The following ELK3 variants were observed in gnomAD, a reference collection of about 807,000 sequenced individuals.
ELK3 encodes the protein ETS domain-containing protein Elk-3.
In ELK3, 10 loss-of-function variants were observed where a neutral mutation model predicts 28.9. The observed-to-expected ratio is 0.35, with a 90% CI of 0.21 to 0.59. ELK3 has a LOEUF of 0.59. ELK3 is among the 20% of genes least tolerant of loss of function. The pLI is 0.82. For synonymous variants in ELK3, 272 were observed against 243.5 expected, an observed-to-expected ratio of 1.12 and a Z score of -1.09; for missense variants, 463 against 517.3, an observed-to-expected ratio of 0.90 and a Z score of 1.02.
chr12:96,259,807 C>T lies in ELK3; in HGVS notation c.1079C>T (p.Ala360Val). 6.2e-7 allele frequency: 1 copy of T among 1,610,046 alleles called. No homozygotes were observed. The highest frequency in any genetic ancestry group is 8.5e-7 in the Non-Finnish European group (1 of 1,178,834). Residue 360 changes from alanine (A) to valine (V), a missense_variant, in exon 4 of 5, where the codon GCT (alanine) becomes GTT (valine). Coordinates refer to ENST00000228741, the MANE Select transcript of ELK3 (RefSeq NM_005230.4). ...TTCTGGAGCAGCCTTAGTCCAGTTG[C>T]TCCGCTGAGTCCTGCCAGGCTGCAA... ...IHFWSSLSPV[A>V]PLSPARLQGP...
intron 1 of ELK3, among the ~76,000 whole-genome samples, chr12:96,210,466 T>A (rs943227306): frequency 6.6e-6 from 1 of 152,124 alleles, no homozygotes; most frequent in Non-Finnish European, 1.5e-5. Flanking sequence ...TTTCGTGATG[T>A]GAGGTGCATG....
Position 96,206,156 on chromosome 12 carries a change from T to G in ELK3, c.-3+11451T>G, listed in dbSNP as rs76003055. Among the ~76,000 whole-genome samples, 1,301 of 152,196 alleles carry G rather than the reference T, an allele frequency of 8.5e-3. 14 individuals carry two copies. The highest frequency in any genetic ancestry group is 0.03 in the African/African-American group (1,253 of 41,528). ...AGCCTCTGCCACATCCTTTGTGTGT[T>G]TTTTTTAAACCTAAATATTAAAGCC... On this transcript the variant is annotated intron_variant, in intron 1 of 4. Coordinates refer to ENST00000228741, the MANE Select transcript of ELK3 (RefSeq NM_005230.4).
intron 2 of ELK3, among the ~76,000 whole-genome samples, chr12:96,235,840 A>T (rs1046454497): frequency 5.9e-5 from 9 of 152,050 alleles, no homozygotes; most frequent in African/African-American, 2.2e-4. Flanking sequence ...TTTATTATTA[A>T]TTATTTTTAG....
Position 96,247,473 on chromosome 12 carries a change from C to T in ELK3, c.741C>T (p.Ser247=), listed in dbSNP as rs1047571856. 3.1e-5 allele frequency: 50 copies of T among 1,614,094 alleles called. No homozygotes were observed. Among genetic ancestry groups the T allele is most frequent in the Admixed American group, 5.0e-5 (3 of 60,014 alleles). The change falls in exon 3 of 5, where the codon TCC becomes TCT. Residue 247 remains serine, a synonymous_variant. Coordinates refer to ENST00000228741, the MANE Select transcript of ELK3 (RefSeq NM_005230.4). The surrounding 1 kb of genome is among the most constrained non-coding windows in gnomAD (Gnocchi z 5.5). The stretch of plus-strand genomic sequence containing the variant: ...TCTCATCTCGGTCCCCGTCCCTGTC[C>T]CCCAACTCACCCCTCCCTTCTGAAC... ...SPFSSRSPSL[S]PNSPLPSEHR...
chr12:96,221,535 A>G (rs1253130915), intron 1 of ELK3, among the ~76,000 whole-genome samples: 1 of 152,214 alleles, frequency 6.6e-6, no homozygotes, highest in African/African-American at 2.4e-5. Context: ...TTTCAAAGAT[A>G]TGTTAAAGCT....
At chr12:96,231,223 T>C (rs551739902) in intron 2 of ELK3, among the ~76,000 whole-genome samples, 3 of 152,232 alleles carry the variant, frequency 2.0e-5, no homozygotes, top group South Asian at 2.1e-4. Context: ...AGTTTTTTTT[T>C]CCTTAGGTTT....
At chr12:96,214,733 G>A (rs1951598548) in intron 1 of ELK3, among the ~76,000 whole-genome samples, 1 of 151,092 alleles carries the variant, frequency 6.6e-6, no homozygotes, top group African/African-American at 2.4e-5. Context: ...ACTTGTATAA[G>A]TTTTTTTTTC....
At chr12:96,226,502 G>C (rs977373848) in intron 2 of ELK3, among the ~76,000 whole-genome samples, 1 of 95,128 alleles carries the variant, frequency 1.1e-5, no homozygotes, top group East Asian at 4.1e-4. Context: ...ATGTCCACAT[G>C]TGCACACCCA....
chr12:96,256,435 A>C (rs572156364), intron 3 of ELK3, among the ~76,000 whole-genome samples: 2 of 152,006 alleles, frequency 1.3e-5, no homozygotes, highest in African/African-American at 4.8e-5. Context: ...CTGTTGACAG[A>C]AGGGGAAGAG....
At chr12:96,202,994 T>A (rs542952704) in intron 1 of ELK3, among the ~76,000 whole-genome samples, 15 of 152,276 alleles carry the variant, frequency 9.9e-5, no homozygotes, top group African/African-American at 3.6e-4. Flanking sequence ...GTGATTCTTC[T>A]GCCTCAGCCT....
At chr12:96,253,497 C>CA (rs1951923611) in intron 3 of ELK3, among the ~76,000 whole-genome samples, 5 of 152,176 alleles carry the variant, frequency 3.3e-5, no homozygotes, top group Admixed American at 3.3e-4. Context: ...GGGATTAACT[C>CA]ACCTTTTAAA....
intron 1 of ELK3, among the ~76,000 whole-genome samples, chr12:96,220,755 AT>A (rs201555830): frequency 1.3e-4 from 19 of 150,676 alleles, no homozygotes; most frequent in African/African-American, 2.2e-4. Flanking sequence ...CAAAGGGAGA[AT>A]TTTTTTTTTA....
At chr12:96,248,555 C>G (rs1432748584) in intron 3 of ELK3, among the ~76,000 whole-genome samples, 1 of 152,078 alleles carries the variant, frequency 6.6e-6, no homozygotes, top group African/African-American at 2.4e-5. Flanking sequence ...TCCTGGCTAC[C>G]CTGCTTCCTA....
intron 3 of ELK3, among the ~76,000 whole-genome samples, chr12:96,256,315 T>C (rs761088073): frequency 4.6e-5 from 7 of 151,998 alleles, no homozygotes; most frequent in Non-Finnish European, 7.4e-5. Context: ...GGGTGGTAAA[T>C]GGGGCTGTGC....
intron 2 of ELK3, among the ~76,000 whole-genome samples, chr12:96,243,843 A>G (rs1951838140): frequency 7.0e-6 from 1 of 142,220 alleles, no homozygotes; most frequent in Admixed American, 7.0e-5. Context: ...ACTCCATCTC[A>G]AAAAAAAAAA....
chr12:96,216,183 AT>A (rs1221203854), intron 1 of ELK3, among the ~76,000 whole-genome samples: 1 of 152,076 alleles, frequency 6.6e-6, no homozygotes, highest in East Asian at 1.9e-4. Flanking sequence ...CATTTAGAAC[AT>A]CTTTCTTTCT....
intron 4 of ELK3, among the ~76,000 whole-genome samples, chr12:96,264,644 G>T (rs889902667): frequency 1.3e-5 from 2 of 152,048 alleles, no homozygotes; most frequent in African/African-American, 4.8e-5. Flanking sequence ...AATTGGCCAC[G>T]TGTGCTGGCG....
rs576180201 is a variant in ELK3, at chr12:96,261,862, G to A, written c.1125+2009G>A. 6.9e-4 allele frequency among the ~76,000 whole-genome samples: 105 copies of A among 152,218 alleles called. 1 individual carries two copies. Among genetic ancestry groups the A allele is most frequent in the Non-Finnish European group, 1.2e-3 (80 of 68,012 alleles). On this transcript the variant is annotated intron_variant, in intron 4 of 4. Transcript: ENST00000228741. ...TCTGGGAGTTGGGATACGTGCATCC[G>A]CTCGTTTCTTCAGTCCTCAGTCACT...
rs1486903743 is a variant in ELK3, at chr12:96,211,486, TTTGTGTGTGTGTGTG to T, written c.-2-12077_-2-12063del. ...ACTGCCCTGGGGATGTCATTGTGTGTTTGTGTGTGTGTGTGTGTGTGTGTGTGTGTGTGTGTGTGT... is the reference window on the plus strand; with the variant it reads ...ACTGCCCTGGGGATGTCATTGTGTGTTGTGTGTGTGTGTGTGTGTGTGTGT... On this transcript the variant is annotated intron_variant, in intron 1 of 4. Transcript: ENST00000228741. 2.8e-3 allele frequency among the ~76,000 whole-genome samples: 378 copies of T among 133,420 alleles called. 2 individuals are homozygous for T. Among genetic ancestry groups the T allele is most frequent in the African/African-American group, 0.011 (355 of 33,224 alleles). 87.5% of individuals were successfully genotyped at this position (133,420 alleles called of 152,430 possible). A position where few individuals can be genotyped will look rare whatever the true frequency, so the allele number is the denominator to read the frequency against.
Sources: gnomAD v4.1 joint callset for allele counts (sites outside exome capture counted in the v4.1 genomes callset) on GRCh38, gnomAD v4.1.1 for gene constraint, Gnocchi (gnomAD v3.1) non-coding constraint, MANE v1.5 for transcripts, NCBI Gene and HGNC (gene_info 2026-07-23, HGNC 2026-07-21) for gene names.